RCAN2: variants seen among roughly 807,000 people sequenced by gnomAD.
The protein encoded by RCAN2 is regulator of calcineurin 2, also known as calcipressin-2.
RCAN2 carries 9 observed loss-of-function variants against 23.6 expected under a neutral mutation model. That is an observed-to-expected ratio of 0.38 (90% CI 0.23 to 0.67). The LOEUF is 0.67. RCAN2 is among the 30% of genes least tolerant of loss of function. RCAN2 has a pLI of 0.51. For missense variants in RCAN2, 273 were observed against 302.3 expected (o/e 0.90, Z 0.72); for synonymous variants, 109 against 115.7 (o/e 0.94, Z 0.37).
At chr6:46,422,733 T>C (rs1020845964) in intron 2 of RCAN2, among the ~76,000 whole-genome samples, 1 of 152,156 alleles carries the variant, frequency 6.6e-6, no homozygotes, top group Admixed American at 6.5e-5. Context: ...TCCATTCTTG[T>C]TATTTATATG....
intron 2 of RCAN2, among the ~76,000 whole-genome samples, chr6:46,328,587 G>C (rs1763867171): frequency 6.6e-6 from 1 of 152,108 alleles, no homozygotes; most frequent in Non-Finnish European, 1.5e-5. Context: ...TGTTATAACA[G>C]TGTCCTGTTT....
At chr6:46,451,441 T>C (rs1053053034) in intron 2 of RCAN2, among the ~76,000 whole-genome samples, 3 of 152,176 alleles carry the variant, frequency 2.0e-5, no homozygotes, top group African/African-American at 4.8e-5. Flanking sequence ...TGAAGTGATG[T>C]TTTGTCTCAC....
intron 1 of RCAN2, among the ~76,000 whole-genome samples, chr6:46,471,434 G>C (rs771820183): frequency 6.6e-6 from 1 of 152,170 alleles, no homozygotes; most frequent in Non-Finnish European, 1.5e-5. Flanking sequence ...TAATGTACAC[G>C]TGGTATTTGC....
In RCAN2 at chr6:46,491,263, C is replaced by G. The variant is rs1769138464; in HGVS notation, c.-93G>C. 1 of 151,114 alleles carries G rather than the reference C, an allele frequency of 6.6e-6. No individual in the cohort carries two copies. Among genetic ancestry groups the G allele is most frequent in the Non-Finnish European group, 1.5e-5 (1 of 67,608 alleles). The allele number at this position is 151,114 out of a possible 1,614,324, so 9.4% of individuals were successfully genotyped here. A position where few individuals can be genotyped will look rare whatever the true frequency, so the allele number is the denominator to read the frequency against. ...GGCCAGCTGCTAGCGCGCGGCGCTG[C>G]CTGCTCACCTGCCCGCCGGTGCGAG... On this transcript the variant is annotated 5_prime_UTR_variant, in exon 1 of 5. Coordinates refer to ENST00000371374, the MANE Select transcript of RCAN2 (RefSeq NM_001251974.2).
At chr6:46,390,977 G>C (rs1026291232) in intron 2 of RCAN2, among the ~76,000 whole-genome samples, 2 of 152,122 alleles carry the variant, frequency 1.3e-5, no homozygotes, top group Admixed American at 1.3e-4. Context: ...GGGGCAGCCT[G>C]GGCAGACAAA....
chr6:46,384,958 A>T (rs1162939873), intron 2 of RCAN2, among the ~76,000 whole-genome samples: 1 of 152,218 alleles, frequency 6.6e-6, no homozygotes, highest in Non-Finnish European at 1.5e-5. Flanking sequence ...ATCCAGGGGA[A>T]ATGAGGAGGG....
At chr6:46,309,149 T>G (rs190506572) in intron 2 of RCAN2, among the ~76,000 whole-genome samples, 312 of 152,230 alleles carry the variant, frequency 2.0e-3, no homozygotes, top group African/African-American at 6.9e-3. Context: ...GATGATATAG[T>G]CCACAAAGAT....
chr6:46,300,426 T>C (rs1762869506), intron 2 of RCAN2, among the ~76,000 whole-genome samples: 1 of 152,012 alleles, frequency 6.6e-6, no homozygotes, highest in South Asian at 2.1e-4. Context: ...TAAAGTTTTA[T>C]GATAGAAATG....
Position 46,259,331 on chromosome 6 carries a change from T to C in RCAN2, c.226-10435A>G, listed in dbSNP as rs114585232. On this transcript the variant is annotated intron_variant, in intron 2 of 4. Coordinates refer to ENST00000371374, the MANE Select transcript of RCAN2 (RefSeq NM_001251974.2). Reference sequence around the variant, plus strand: ...CCACATGAATACAATGCTAGGGCTCTATTAAGTCTTGGTAAAGACCAATGC... The same window carrying C: ...CCACATGAATACAATGCTAGGGCTCCATTAAGTCTTGGTAAAGACCAATGC... 7.4e-3 allele frequency among the ~76,000 whole-genome samples: 1,122 copies of C among 152,330 alleles called. 15 individuals are homozygous for C. Among genetic ancestry groups the C allele is most frequent in the African/African-American group, 0.025 (1,051 of 41,588 alleles).
At chr6:46,457,157 G>C (rs1768061993) in intron 1 of RCAN2, among the ~76,000 whole-genome samples, 179 bp from the exon 2 acceptor site, 1 of 152,138 alleles carries the variant, frequency 6.6e-6, no homozygotes, top group South Asian at 2.1e-4. Context: ...CCCTGAACCA[G>C]AATTTCCCAT....
chr6:46,237,152 A>G (rs1013727472), intron 4 of RCAN2, among the ~76,000 whole-genome samples: 4 of 152,210 alleles, frequency 2.6e-5, no homozygotes, highest in African/African-American at 9.6e-5. Flanking sequence ...CACTTTTAAT[A>G]CATTTTCATG....
intron 3 of RCAN2, among the ~76,000 whole-genome samples, chr6:46,247,254 C>T (rs1324685307): frequency 6.6e-6 from 1 of 152,184 alleles, no homozygotes; most frequent in African/African-American, 2.4e-5. Context: ...ATGCTGTTGG[C>T]TGCCAGTCCA....
intron 2 of RCAN2, among the ~76,000 whole-genome samples, chr6:46,293,964 T>A (rs1762642391): frequency 6.6e-6 from 1 of 152,152 alleles, no homozygotes; most frequent in East Asian, 1.9e-4. Flanking sequence ...TTGGAAAGAC[T>A]TCAGAATAGC....
chr6:46,416,667 A>G lies in RCAN2; in HGVS notation c.225+40085T>C, dbSNP rs568368180. 7.9e-5 allele frequency among the ~76,000 whole-genome samples: 12 copies of G among 151,910 alleles called. No individual in the cohort carries two copies. The South Asian group carries it at 2.1e-3, about 26-fold the overall frequency. Reference sequence around the variant, plus strand: ...GTGGCTAGGACTTGGGACTACAGACATGTACCACCATCCCCAGCTAATGTT... The same window carrying G: ...GTGGCTAGGACTTGGGACTACAGACGTGTACCACCATCCCCAGCTAATGTT... On this transcript the variant is annotated intron_variant, in intron 2 of 4. Transcript: ENST00000371374.
At chr6:46,360,533 CAAAAAAAAAAA>C (rs765916099) in intron 2 of RCAN2, among the ~76,000 whole-genome samples, 5 of 33,492 alleles carry the variant, frequency 1.5e-4, no homozygotes, top group Non-Finnish European at 2.5e-4. Flanking sequence ...GACTCCGTCT[CAAAAAAAAAAA>C]AAAAAAAAAA....
chr6:46,270,805 T>G (rs1224200017), intron 2 of RCAN2, among the ~76,000 whole-genome samples: 1 of 151,994 alleles, frequency 6.6e-6, no homozygotes, highest in Non-Finnish European at 1.5e-5. Flanking sequence ...GAACAGGGGG[T>G]GACCACCAGC....
chr6:46,404,504 T>C (rs1321613002), intron 2 of RCAN2, among the ~76,000 whole-genome samples: 3 of 152,210 alleles, frequency 2.0e-5, no homozygotes, highest in Non-Finnish European at 4.4e-5. Flanking sequence ...TACCTTACTA[T>C]ACGTTATATA....
chr6:46,324,284 A>G (rs1476542805), intron 2 of RCAN2, among the ~76,000 whole-genome samples: 8 of 152,248 alleles, frequency 5.3e-5, no homozygotes, highest in Non-Finnish European at 1.2e-4. Flanking sequence ...CATGTTTAAA[A>G]TATTCAGGAA....
At chr6:46,246,989 A>C in intron 3 of RCAN2, 70 bp from the exon 4 acceptor site, 1 of 1,331,656 alleles carries the variant, frequency 7.5e-7, no homozygotes. Context: ...GGCACATTAA[A>C]ACATGGGTTT....
Sources: gnomAD v4.1 joint callset for allele counts (sites outside exome capture counted in the v4.1 genomes callset) on GRCh38, gnomAD v4.1.1 for gene constraint, MANE v1.5 for transcripts, NCBI Gene and HGNC (gene_info 2026-07-23, HGNC 2026-07-21) for gene names.